ZFHX4: variants seen among roughly 807,000 people sequenced by gnomAD.
ZFHX4 encodes zinc finger homeobox 4.
ZFHX4 carries 56 observed loss-of-function variants against 267.6 expected under a neutral mutation model. That is an observed-to-expected ratio of 0.21 (90% CI 0.17 to 0.26). The LOEUF (loss-of-function observed/expected upper bound fraction) is 0.26, where lower values mean the gene tolerates loss of function less well. Ranked by LOEUF, ZFHX4 falls within the 10% of genes least tolerant of loss-of-function variation. ZFHX4 has a pLI of 1.00. For missense variants in ZFHX4, 4,332 were observed against 4,420.0 expected (o/e 0.98, Z 0.56); for synonymous variants, 1,778 against 1,665.6 (o/e 1.07, Z -1.64).
At chr8:76,783,152 T>C (rs6985531) in intron 4 of ZFHX4, among the ~76,000 whole-genome samples, 41,574 of 151,778 alleles carry the variant, frequency 0.27, 7,670 homozygotes, top group African/African-American at 0.51. Flanking sequence ...TAAATGATAG[T>C]GTGAATCTTA....
At chr8:76,859,432 A>G (rs1039660130) in intron 10 of ZFHX4, among the ~76,000 whole-genome samples, 1 of 152,080 alleles carries the variant, frequency 6.6e-6, no homozygotes, top group East Asian at 1.9e-4. Context: ...TAGAATATCA[A>G]CGTATGTTTA....
chr8:76,754,120 A>G (rs1809700258), intron 3 of ZFHX4, among the ~76,000 whole-genome samples: 1 of 152,174 alleles, frequency 6.6e-6, no homozygotes, highest in African/African-American at 2.4e-5. Flanking sequence ...AAATGTGAAC[A>G]GTTATTCTTA....
At chr8:76,781,158 G>A (rs189771617) in intron 4 of ZFHX4, among the ~76,000 whole-genome samples, 7 of 152,196 alleles carry the variant, frequency 4.6e-5, no homozygotes, top group African/African-American at 1.4e-4. Context: ...TTTAAGGAGA[G>A]TTGTAAACTA....
intron 1 of ZFHX4, among the ~76,000 whole-genome samples, chr8:76,686,137 C>A (rs1457798973): frequency 6.6e-6 from 1 of 152,178 alleles, no homozygotes; most frequent in South Asian, 2.1e-4. Context: ...CGCACAGCTG[C>A]ACGAATTTCA....
At chr8:76,718,612 G>A (rs1003695445) in intron 3 of ZFHX4, among the ~76,000 whole-genome samples, 2 of 151,920 alleles carry the variant, frequency 1.3e-5, no homozygotes, top group African/African-American at 4.8e-5. Context: ...AATAGTCTTG[G>A]CTCTCTTAAT....
intron 3 of ZFHX4, among the ~76,000 whole-genome samples, chr8:76,760,875 G>A (rs1809892740): frequency 1.4e-5 from 2 of 143,830 alleles, no homozygotes; most frequent in African/African-American, 2.7e-5. Flanking sequence ...GCTGCAGTGA[G>A]CAGTGATCAG....
intron 4 of ZFHX4, among the ~76,000 whole-genome samples, chr8:76,821,582 T>G (rs1194946814): frequency 6.6e-5 from 10 of 151,956 alleles, no homozygotes; most frequent in Non-Finnish European, 1.3e-4. Flanking sequence ...GGTTTTCTCC[T>G]ACCTCATTCC....
At chr8:76,722,829 C>T (rs551130802) in intron 3 of ZFHX4, among the ~76,000 whole-genome samples, 5 of 151,924 alleles carry the variant, frequency 3.3e-5, no homozygotes, top group Non-Finnish European at 5.9e-5. Flanking sequence ...ATAACTTCTG[C>T]TTTTTTATTA....
intron 3 of ZFHX4, among the ~76,000 whole-genome samples, chr8:76,719,928 T>C (rs962526156): frequency 1.3e-5 from 2 of 152,164 alleles, no homozygotes; most frequent in Admixed American, 6.6e-5. Flanking sequence ...AAATCTACCA[T>C]GTTGAGAGTA....
rs1329460969 is a variant in ZFHX4 at position 76,863,692 on chromosome 8, G to A, written c.9978G>A (p.Leu3326=). Reference sequence around the variant, plus strand: ...AGTACCAACAGTATCAGCAGAACCTGCAGGAGTCCCTGCAAAAGCAGCAAA... The same window carrying A: ...AGTACCAACAGTATCAGCAGAACCTACAGGAGTCCCTGCAAAAGCAGCAAA... The part of the protein sequence containing the change: ...LQQYQQYQQN[L]QESLQKQQKQ... Residue 3326 remains leucine, a synonymous_variant, in exon 11 of 11, where the codon CTG becomes CTA. Transcript: ENST00000651372. The A allele has an allele frequency of 6.3e-7, 1 of 1,588,538 alleles. No homozygotes were observed. The highest frequency in any genetic ancestry group is 8.6e-7 in the Non-Finnish European group (1 of 1,166,730).
In ZFHX4 at chr8:76,850,867, T is replaced by G; in HGVS notation, c.3965-19T>G. 1 of 1,550,374 alleles carries G rather than the reference T, an allele frequency of 6.5e-7. No homozygotes were observed. Among genetic ancestry groups the G allele is most frequent in the Non-Finnish European group, 8.7e-7 (1 of 1,150,616 alleles). On this transcript the variant is annotated intron_variant, in intron 9 of 10. Transcript: ENST00000651372. ...GGTTTTCTTATTGTAAGAGAGATGTTTGTGCTTTTTCCTAATAGGTGAAAG... is the reference window on the plus strand; with the variant it reads ...GGTTTTCTTATTGTAAGAGAGATGTGTGTGCTTTTTCCTAATAGGTGAAAG...
chr8:76,842,035 G>A (rs1280192552), intron 5 of ZFHX4, among the ~76,000 whole-genome samples: 2 of 152,086 alleles, frequency 1.3e-5, no homozygotes, highest in African/African-American at 2.4e-5. Context: ...GTGTGAACCC[G>A]TGAATGAGGT....
chr8:76,730,063 A>G (rs1165368894), intron 3 of ZFHX4, among the ~76,000 whole-genome samples: 1 of 152,206 alleles, frequency 6.6e-6, no homozygotes, highest in African/African-American at 2.4e-5. Context: ...ATTTGTTAAT[A>G]TAAAGTAATT....
intron 3 of ZFHX4, among the ~76,000 whole-genome samples, chr8:76,747,957 C>T (rs1382669049): frequency 2.6e-5 from 4 of 151,948 alleles, no homozygotes; most frequent in Non-Finnish European, 2.9e-5. Context: ...AACAAACAAA[C>T]AAACAAACAA....
At chr8:76,756,103 A>C (rs1809754043) in intron 3 of ZFHX4, among the ~76,000 whole-genome samples, 1 of 152,214 alleles carries the variant, frequency 6.6e-6, no homozygotes, top group African/African-American at 2.4e-5. Context: ...AGATTCATTT[A>C]AGTACAGTTG....
At chr8:76,775,654 C>T (rs567642732) in intron 3 of ZFHX4, among the ~76,000 whole-genome samples, 5 of 152,118 alleles carry the variant, frequency 3.3e-5, no homozygotes, top group Non-Finnish European at 5.9e-5. Flanking sequence ...TTCTTTTAAC[C>T]GGCTCACACC....
Position 76,828,257 on chromosome 8 carries a change from G to A in ZFHX4, c.3326-5081G>A, listed in dbSNP as rs567108975. 9.2e-5 allele frequency among the ~76,000 whole-genome samples: 14 copies of A among 152,108 alleles called. No homozygotes were observed. In the East Asian group the frequency reaches 1.7e-3, roughly 19 times the overall value. On this transcript the variant is annotated intron_variant, in intron 4 of 10. Coordinates refer to ENST00000651372, the MANE Select transcript of ZFHX4 (RefSeq NM_024721.5). ...TGTTATGATGAATTTGCTTTGAAGCGATGTGAGCTATTTTTTTTTTTTTAG... is the reference window on the plus strand; with the variant it reads ...TGTTATGATGAATTTGCTTTGAAGCAATGTGAGCTATTTTTTTTTTTTTAG...
In ZFHX4 at chr8:76,854,804, C is replaced by T. The variant is rs1476260469; in HGVS notation, c.7883C>T (p.Ser2628Phe). Residue 2628 changes from serine (S) to phenylalanine (F), a missense_variant, in exon 10 of 11, where the codon TCC (serine) becomes TTC (phenylalanine). Transcript: ENST00000651372. ...CTCTATGAAAAATACTTGCTGGATT[C>T]CAATCCTACCAGAAAAATGCTTGAT... is the stretch of plus-strand genomic sequence containing the variant. ...EILYEKYLLD[S>F]NPTRKMLDHI... The T allele has an allele frequency of 6.2e-7, 1 of 1,611,024 alleles. No homozygotes were observed. Among genetic ancestry groups the T allele is most frequent in the Admixed American group, 1.7e-5 (1 of 59,430 alleles).
chr8:76,821,641 G>A (rs917745609), intron 4 of ZFHX4, among the ~76,000 whole-genome samples: 4 of 151,678 alleles, frequency 2.6e-5, no homozygotes, highest in African/African-American at 9.7e-5. Flanking sequence ...GGAAATCGTG[G>A]GACTCTTTCA....
Sources: gnomAD v4.1 joint callset for allele counts (sites outside exome capture counted in the v4.1 genomes callset) on GRCh38, gnomAD v4.1.1 for gene constraint, MANE v1.5 for transcripts, NCBI Gene and HGNC (gene_info 2026-07-23, HGNC 2026-07-21) for gene names.